The following ST3GAL3 variants were observed in gnomAD, a reference collection of about 807,000 sequenced individuals.
The protein encoded by ST3GAL3 is ST3 beta-galactoside alpha-2,3-sialyltransferase 3.
ST3GAL3 carries 21 observed loss-of-function variants against 50.1 expected under a neutral mutation model. The ratio of observed to expected loss-of-function variants is 0.42; its 90% CI spans 0.30 to 0.60. The LOEUF (loss-of-function observed/expected upper bound fraction) is 0.60. Ranked by LOEUF, ST3GAL3 falls within the 20% of genes least tolerant of loss-of-function variation. The pLI, the probability that ST3GAL3 is intolerant of heterozygous loss-of-function variation, is 0.19. For missense variants in ST3GAL3, 353 were observed against 489.4 expected, an observed-to-expected ratio of 0.72 and a Z score of 2.63; for synonymous variants, 183 against 190.0, an observed-to-expected ratio of 0.96 and a Z score of 0.30.
intron 1 of ST3GAL3, among the ~76,000 whole-genome samples, chr1:43,715,299 C>T (rs938719237): frequency 1.3e-5 from 2 of 151,940 alleles, no homozygotes; most frequent in Admixed American, 6.6e-5. Flanking sequence ...CATGGCTGTG[C>T]GCGGTGGCTC....
chr1:43,887,547 T>C (rs201805903), intron 5 of ST3GAL3, among the ~76,000 whole-genome samples: 1 of 152,282 alleles, frequency 6.6e-6, no homozygotes, highest in African/African-American at 2.4e-5. Context: ...AATGTGGCTG[T>C]GGGACTGAGT....
intron 9 of ST3GAL3, among the ~76,000 whole-genome samples, chr1:43,911,622 T>TCTGTAG (rs1430950565): frequency 0.031 from 3,550 of 114,448 alleles, 32 homozygotes; most frequent in South Asian, 0.063. Context: ...TACAGATATA[T>TCTGTAG]CTATAGATAT....
At chr1:43,787,792 C>T (rs1027275413) in intron 2 of ST3GAL3, among the ~76,000 whole-genome samples, 7 of 152,238 alleles carry the variant, frequency 4.6e-5, no homozygotes, top group Admixed American at 6.5e-5. Context: ...TCCATGGGGC[C>T]TGGCGTGTAA....
At chr1:43,897,382 G>C (rs1394902854) in intron 6 of ST3GAL3, among the ~76,000 whole-genome samples, 1 of 152,172 alleles carries the variant, frequency 6.6e-6, no homozygotes, top group Non-Finnish European at 1.5e-5. Flanking sequence ...TCATTTTAGA[G>C]ATGAGGAAAC....
intron 1 of ST3GAL3, among the ~76,000 whole-genome samples, chr1:43,725,267 G>T (rs1483888876): frequency 6.6e-6 from 1 of 151,992 alleles, no homozygotes; most frequent in African/African-American, 2.4e-5. Context: ...GTGCAGTGGT[G>T]CAATCGGCTT....
intron 5 of ST3GAL3, among the ~76,000 whole-genome samples, chr1:43,888,953 A>G (rs1452727936): frequency 1.3e-5 from 2 of 152,240 alleles, no homozygotes; most frequent in Non-Finnish European, 2.9e-5. Context: ...ACATTGGCAA[A>G]TAGAAAAGAC....
intron 2 of ST3GAL3, among the ~76,000 whole-genome samples, chr1:43,748,547 G>C (rs979380873): frequency 2.5e-4 from 38 of 149,664 alleles, no homozygotes; most frequent in Non-Finnish European, 5.0e-4. Context: ...TCCTGCCTCA[G>C]CCTCCTAAGT....
At chr1:43,890,301 A>G (rs1300180058) in intron 5 of ST3GAL3, among the ~76,000 whole-genome samples, 1 of 152,238 alleles carries the variant, frequency 6.6e-6, no homozygotes, top group African/African-American at 2.4e-5. Flanking sequence ...GGTATAAAAG[A>G]AACAAAACTG....
At chr1:43,794,780 A>G (rs1293110831) in intron 3 of ST3GAL3, among the ~76,000 whole-genome samples, 1 of 152,248 alleles carries the variant, frequency 6.6e-6, no homozygotes, top group African/African-American at 2.4e-5. Context: ...GATAAATATT[A>G]AAGACATATT....
In ST3GAL3 at chr1:43,921,011, G is replaced by T. The variant is rs1417335440; in HGVS notation, c.1038+83G>T. Reference sequence around the variant, plus strand: ...TGAGTAGTAAAGGGAGGAGCCAGTGGCTGGTCTGGCTGCCCAGAACTCCCC... The same window carrying T: ...TGAGTAGTAAAGGGAGGAGCCAGTGTCTGGTCTGGCTGCCCAGAACTCCCC... On this transcript the variant is annotated intron_variant, in intron 11 of 11. Coordinates refer to ENST00000347631, the MANE Select transcript of ST3GAL3 (RefSeq NM_006279.5). The T allele has an allele frequency of 2.0e-6, 3 of 1,489,350 alleles. No homozygotes were observed. In the African/African-American group the frequency reaches 4.2e-5, roughly 21 times the overall value. The allele number at this position is 1,489,350 out of a possible 1,614,324, so 92.3% of individuals were successfully genotyped here.
intron 2 of ST3GAL3, among the ~76,000 whole-genome samples, chr1:43,774,929 G>A (rs970310525): frequency 2.6e-5 from 4 of 152,064 alleles, no homozygotes; most frequent in Admixed American, 6.6e-5. Context: ...AGTTACATCC[G>A]CGGTAAGTAA....
intron 4 of ST3GAL3, among the ~76,000 whole-genome samples, chr1:43,834,744 C>T (rs866278259): frequency 6.6e-6 from 1 of 152,192 alleles, no homozygotes; most frequent in Non-Finnish European, 1.5e-5. Flanking sequence ...ATGGCAGCCA[C>T]GCGTGTCACA....
At chr1:43,896,916 C>G (rs993135551) in intron 6 of ST3GAL3, 6 of 151,910 alleles carry the variant, frequency 3.9e-5, no homozygotes, top group African/African-American at 1.5e-4. Flanking sequence ...TGTCTTTAGA[C>G]TTTACAAATG....
intron 9 of ST3GAL3, among the ~76,000 whole-genome samples, chr1:43,914,938 G>A (rs1013454148): frequency 2.6e-5 from 4 of 152,280 alleles, no homozygotes; most frequent in South Asian, 4.1e-4. Context: ...CCACCCGTCC[G>A]TTTCCTACTG....
At chr1:43,843,935 AG>A (rs1431987778) in intron 5 of ST3GAL3, among the ~76,000 whole-genome samples, 2 of 152,250 alleles carry the variant, frequency 1.3e-5, no homozygotes, top group East Asian at 3.8e-4. Context: ...CACAAGTAGT[AG>A]GTTGTTACCT....
intron 3 of ST3GAL3, among the ~76,000 whole-genome samples, chr1:43,808,460 C>T (rs1307067563): frequency 1.3e-5 from 2 of 151,542 alleles, no homozygotes; most frequent in East Asian, 1.9e-4. Flanking sequence ...AAAGGAGAAA[C>T]GACTGAGAAA....
intron 2 of ST3GAL3, among the ~76,000 whole-genome samples, chr1:43,779,938 A>G (rs920128738): frequency 6.4e-4 from 97 of 151,036 alleles, no homozygotes; most frequent in African/African-American, 2.3e-3. Context: ...TTCTTGAAGA[A>G]CTCTCTTTGG....
At chr1:43,926,260 C>A (rs1405954319) in intron 11 of ST3GAL3, among the ~76,000 whole-genome samples, 3 of 152,124 alleles carry the variant, frequency 2.0e-5, no homozygotes, top group East Asian at 3.8e-4. Flanking sequence ...GACCCTTGAA[C>A]GTGGATACTT....
At chr1:43,863,278 T>A (rs943128555) in intron 5 of ST3GAL3, among the ~76,000 whole-genome samples, 1 of 152,134 alleles carries the variant, frequency 6.6e-6, no homozygotes, top group Non-Finnish European at 1.5e-5. Context: ...GCACACACCA[T>A]TGCTAAGTGT....
Sources: gnomAD v4.1 joint callset for allele counts (sites outside exome capture counted in the v4.1 genomes callset) on GRCh38, gnomAD v4.1.1 for gene constraint, MANE v1.5 for transcripts, NCBI Gene and HGNC (gene_info 2026-07-23, HGNC 2026-07-21) for gene names.